The following DHTKD1 variants were observed in gnomAD, a reference collection of about 807,000 sequenced individuals.
The protein encoded by DHTKD1 is dehydrogenase E1 and transketolase domain containing 1.
DHTKD1 carries 78 observed loss-of-function variants against 101.8 expected under a neutral mutation model. The observed-to-expected ratio is 0.77, with a 90% CI of 0.64 to 0.93. DHTKD1 has a LOEUF of 0.93. DHTKD1 is among the 40% of genes least tolerant of loss of function. The pLI is 0.00. For missense variants in DHTKD1, 1,223 were observed against 1,161.7 expected (o/e 1.05, Z -0.77); for synonymous variants, 462 against 450.3 (o/e 1.03, Z -0.33).
chr10:12,112,600 TCAGAATA>T (rs1376986834), intron 12 of DHTKD1, among the ~76,000 whole-genome samples: 1 of 152,164 alleles, frequency 6.6e-6, no homozygotes, highest in East Asian at 1.9e-4. Context: ...CCTGTAGTAA[TCAGAATA>T]TGTATTTTTT....
chr10:12,088,385 T>G (rs1832935272), intron 4 of DHTKD1, among the ~76,000 whole-genome samples: 1 of 151,342 alleles, frequency 6.6e-6, no homozygotes, highest in South Asian at 2.1e-4. Flanking sequence ...GATGGGAGGA[T>G]CTCTTGAGTC....
rs1246673651 is a variant in DHTKD1, at chr10:12,086,221, C to CTTT, written c.523-1312_523-1310dup. The stretch of plus-strand genomic sequence containing the variant: ...TTAAAATTTATTTTTCTTTTGTTTT[C>CTTT]TTTTCTTTTTTTTTTTTTTGAGATG... On this transcript the variant is annotated intron_variant, in intron 3 of 16. Coordinates refer to ENST00000263035, the MANE Select transcript of DHTKD1 (RefSeq NM_018706.7). Among the ~76,000 whole-genome samples the CTTT allele has an allele frequency of 7.7e-5, 6 of 78,042 alleles. 1 individual carries two copies. The highest frequency in any genetic ancestry group is 1.9e-4 in the African/African-American group (4 of 20,696). 51.2% of individuals were successfully genotyped at this position (78,042 alleles called of 152,430 possible). A position where few individuals can be genotyped will look rare whatever the true frequency, so the allele number is the denominator to read the frequency against.
At chr10:12,091,220 G>C (rs1334834678) in intron 5 of DHTKD1, among the ~76,000 whole-genome samples, 3 of 151,728 alleles carry the variant, frequency 2.0e-5, no homozygotes, top group Admixed American at 6.6e-5. Flanking sequence ...AGACCAGCCT[G>C]ACCAACATGG....
chr10:12,105,859 C>A (rs1833238350), intron 10 of DHTKD1, among the ~76,000 whole-genome samples: 1 of 152,060 alleles, frequency 6.6e-6, no homozygotes, highest in South Asian at 2.1e-4. Context: ...CTTTGGGGGG[C>A]CAAGGTGGGT....
At chr10:12,109,696 G>GAGTAATTGTGTAGTA (rs1662128364) in intron 12 of DHTKD1, among the ~76,000 whole-genome samples, 1 of 152,082 alleles carries the variant, frequency 6.6e-6, no homozygotes, top group African/African-American at 2.4e-5. Flanking sequence ...CAATTAAGAT[G>GAGTAATTGTGTAGTA]AGGAGTGAAG....
At chr10:12,119,411 C>G (rs1313513314) in intron 15 of DHTKD1, among the ~76,000 whole-genome samples, 45 of 148,772 alleles carry the variant, frequency 3.0e-4, no homozygotes, top group Admixed American at 1.0e-3. Flanking sequence ...GTCAGGAGAT[C>G]AAGACCATCC....
chr10:12,108,327 T>C (rs1833280974), intron 12 of DHTKD1, among the ~76,000 whole-genome samples: 1 of 152,162 alleles, frequency 6.6e-6, no homozygotes, highest in Admixed American at 6.6e-5. Context: ...TTGCCCAGGC[T>C]GGAGTGCAGT....
rs778723208 is a variant in DHTKD1, at chr10:12,118,892, A to T, written c.2546A>T (p.Glu849Val). 7 of 1,592,838 alleles carry T rather than the reference A, an allele frequency of 4.4e-6. No individual in the cohort carries two copies. Among genetic ancestry groups the T allele is most frequent in the Non-Finnish European group, 6.0e-6 (7 of 1,170,676 alleles). Residue 849 changes from glutamate to valine, a missense_variant, in exon 15 of 17, where the codon GAG (glutamate) becomes GTG (valine). Transcript: ENST00000263035. ...CPFPLDSLQQEMSKYKHVKDH... is the reference protein window; with the variant it reads ...CPFPLDSLQQVMSKYKHVKDH... ...TTCCCGTTGGATTCTTTACAGCAAG[A>T]GATGAGCAAATACAAACATGTTAAA...
At chr10:12,069,684 CTTTTTTTTTTT>C (rs11292752) in intron 1 of DHTKD1, among the ~76,000 whole-genome samples, 3 of 25,484 alleles carry the variant, frequency 1.2e-4, no homozygotes, top group Non-Finnish European at 1.4e-4. Flanking sequence ...CCACGCCCAG[CTTTTTTTTTTT>C]TTTTTTTTTT....
In DHTKD1 at chr10:12,107,288, G is replaced by T. The variant is rs570475311; in HGVS notation, c.2048-621G>T. On this transcript the variant is annotated intron_variant, in intron 11 of 16. Transcript: ENST00000263035. The surrounding 1 kb of genome is among the most constrained non-coding windows in gnomAD (Gnocchi z 4.1). ...GGTGTGAGCCACTGTGCCCGGCCGG[G>T]AGCTGCCCATTCTTGTAAGAGTGGT... is the stretch of plus-strand genomic sequence containing the variant. Among the ~76,000 whole-genome samples, 1 of 150,580 alleles carries T rather than the reference G, an allele frequency of 6.6e-6. No homozygotes were observed. Among genetic ancestry groups the T allele is most frequent in the Admixed American group, 6.6e-5 (1 of 15,074 alleles).
intron 2 of DHTKD1, among the ~76,000 whole-genome samples, chr10:12,083,664 G>T (rs1200754998): frequency 3.3e-5 from 5 of 152,018 alleles, no homozygotes; most frequent in African/African-American, 4.8e-5. Flanking sequence ...AACCTGGGAG[G>T]CAGAGGTTGC....
At chr10:12,081,783 T>C (rs1832824464) in intron 2 of DHTKD1, among the ~76,000 whole-genome samples, 156 bp downstream of exon 2, 1 of 152,024 alleles carries the variant, frequency 6.6e-6, no homozygotes, top group Non-Finnish European at 1.5e-5. Context: ...GGGAGGAGCA[T>C]TCTTGGGATT....
chr10:12,086,214 T>A (rs1424801416), intron 3 of DHTKD1, among the ~76,000 whole-genome samples: 3 of 105,954 alleles, frequency 2.8e-5, no homozygotes, highest in Non-Finnish European at 5.2e-5. Context: ...TATTTTTCTT[T>A]TGTTTTCTTT....
chr10:12,118,670 C>T (rs1470628679), intron 14 of DHTKD1, 79 bp from the exon 15 acceptor site: 10 of 1,262,546 alleles, frequency 7.9e-6, no homozygotes, highest in Non-Finnish European at 1.1e-5. Context: ...GCGTGAGCTA[C>T]TGCACCTGGC....
intron 5 of DHTKD1, among the ~76,000 whole-genome samples, chr10:12,090,711 T>A (rs1358181489): frequency 6.6e-6 from 1 of 152,074 alleles, no homozygotes; most frequent in Non-Finnish European, 1.5e-5. Flanking sequence ...GGTTTCAAAT[T>A]CCTAGCTTCA....
Position 12,089,172 on chromosome 10 carries a change from C to A in DHTKD1, c.904C>A (p.Arg302Ser). 1 of 1,614,138 alleles carries A rather than the reference C, an allele frequency of 6.2e-7. No individual in the cohort carries two copies. Among genetic ancestry groups the A allele is most frequent in the Non-Finnish European group, 8.5e-7 (1 of 1,180,028 alleles). ...CAACCCCGTGGCCGTGGGCAAAACT[C>A]GCGGCAGGCAGCAGTCTCGCCAAGA... ...AVNPVAVGKT[R>S]GRQQSRQDGD... The change falls in exon 5 of 17, where the codon CGC (arginine) becomes AGC (serine). Residue 302 changes from arginine (R) to serine (S), a missense_variant. Coordinates refer to ENST00000263035, the MANE Select transcript of DHTKD1 (RefSeq NM_018706.7).
At chr10:12,081,393 GCTT>G (rs1832814062) in intron 1 of DHTKD1, 76 bp from the exon 2 acceptor site, 1 of 1,233,342 alleles carries the variant, frequency 8.1e-7, no homozygotes, top group East Asian at 2.3e-5. Flanking sequence ...GGCTGTAAGA[GCTT>G]CTTTGAAAAT....
At position 12,120,194 on chromosome 10, in the gene DHTKD1, G is replaced by T. The variant is rs145082960; in HGVS notation, c.2585G>T (p.Ser862Ile). 3.7e-5 allele frequency: 59 copies of T among 1,613,668 alleles called. No homozygotes were observed. The highest frequency in any genetic ancestry group is 4.9e-5 in the Non-Finnish European group (58 of 1,179,762). The change falls in exon 16 of 17, where the codon AGT becomes ATT. Residue 862 changes from serine (S) to isoleucine (I), a missense_variant. By Grantham distance (142) the Ser-to-Ile change is moderately radical. Transcript: ENST00000263035. ...TCTTCTCTCATAGATCATATTTGGAGTCAGGAGGAACCTCAGAACATGGGT... is the reference window on the plus strand; with the variant it reads ...TCTTCTCTCATAGATCATATTTGGATTCAGGAGGAACCTCAGAACATGGGT... ...KYKHVKDHIW[S>I]QEEPQNMGPW...
chr10:12,069,057 A>G lies in DHTKD1; in HGVS notation c.24A>G (p.Ala8=). 6.2e-7 allele frequency: 1 copy of G among 1,613,216 alleles called. No homozygotes were observed. Among genetic ancestry groups the G allele is most frequent in the Non-Finnish European group, 8.5e-7 (1 of 1,179,644 alleles). ...ACATGGCCTCTGCTACTGCGGCAGC[A>G]GCACGACGGGGCCTCGGCCGGGCTC... MASATAA[A]ARRGLGRALP... The change falls in exon 1 of 17, where the codon GCA becomes GCG. Residue 8 remains alanine (A), a synonymous_variant. Transcript: ENST00000263035.
Sources: allele counts gnomAD v4.1 joint callset (sites outside exome capture counted in the v4.1 genomes callset), GRCh38; gene constraint gnomAD v4.1.1; non-coding constraint Gnocchi (gnomAD v3.1); transcripts MANE v1.5; gene names NCBI Gene and HGNC (gene_info 2026-07-23, HGNC 2026-07-21).